Variants in MTERF2 observed in about 807,000 individuals in gnomAD.
The protein encoded by MTERF2 is transcription termination factor 2, mitochondrial.
In MTERF2, 23 loss-of-function variants were observed where a neutral mutation model predicts 29.2. The observed-to-expected ratio is 0.79, with a 90% CI of 0.57 to 1.12. MTERF2 has a LOEUF of 1.12. MTERF2 is among the 50% of genes most tolerant of loss of function. MTERF2 has a pLI of 0.00. For missense variants in MTERF2, 440 were observed against 429.4 expected (o/e 1.02, Z -0.22); for synonymous variants, 157 against 159.5 (o/e 0.98, Z 0.12).
chr12:106,984,615 C>G (rs1952089637), intron 2 of MTERF2, among the ~76,000 whole-genome samples: 1 of 152,116 alleles, frequency 6.6e-6, no homozygotes, highest in Non-Finnish European at 1.5e-5. Flanking sequence ...GTGGGAGGAA[C>G]CCAGTGGGAG....
intron 2 of MTERF2, among the ~76,000 whole-genome samples, chr12:106,982,986 G>A (rs1177716920): frequency 6.6e-6 from 1 of 151,966 alleles, no homozygotes; most frequent in Non-Finnish European, 1.5e-5. Context: ...ATTTCCTTTT[G>A]TGAATCAACC....
chr12:106,977,436 A>G lies in MTERF2; in HGVS notation c.*121T>C. 1.3e-6 allele frequency: 1 copy of G among 747,418 alleles called. No homozygotes were observed. The highest frequency in any genetic ancestry group is 2.7e-5 in the East Asian group (1 of 37,714). The allele number at this position is 747,418 out of a possible 1,614,324, so 46.3% of individuals were successfully genotyped here. Reference sequence around the variant, plus strand: ...ATTTATCTATTTAGAGATAACTTAAATACAACACAGAAGCTAAGCAGGTTC... The same window carrying G: ...ATTTATCTATTTAGAGATAACTTAAGTACAACACAGAAGCTAAGCAGGTTC... On this transcript the variant is annotated 3_prime_UTR_variant, in exon 3 of 3. Coordinates refer to ENST00000240050, the MANE Select transcript of MTERF2 (RefSeq NM_001033050.3).
In MTERF2 at chr12:106,977,968, G is replaced by C. The variant is rs137997995; in HGVS notation, c.747C>G (p.Ser249=). The change falls in exon 3 of 3, where the codon TCC becomes TCG. Residue 249 remains serine (S), a synonymous_variant. Coordinates refer to ENST00000240050, the MANE Select transcript of MTERF2 (RefSeq NM_001033050.3). ...GTTGAAAAAGAAATCCTTTGAGTTT[G>C]GATAGAAGCTGGAGAATTTCAAAGC... ...FTSFEILQLL[S]KLKGFLFQLC... is the part of the protein sequence containing the mutation. The C allele has an allele frequency of 2.5e-6, 4 of 1,614,032 alleles. 1 individual carries two copies. The highest frequency in any genetic ancestry group is 3.4e-6 in the Non-Finnish European group (4 of 1,180,020).
At chr12:106,982,755 G>T (rs1952067415) in intron 2 of MTERF2, among the ~76,000 whole-genome samples, 1 of 152,160 alleles carries the variant, frequency 6.6e-6, no homozygotes, top group Non-Finnish European at 1.5e-5. Flanking sequence ...CCTAGAAATA[G>T]ATTTCCTGAC....
Position 106,977,540 on chromosome 12 carries a change from C to G in MTERF2, c.*17G>C. On this transcript the variant is annotated 3_prime_UTR_variant, in exon 3 of 3. Transcript: ENST00000240050. ...TTCACCCTGCACTGCTAGAAAGAAG[C>G]AACAACAGTCAGTATGTCATTCTTC... 6.3e-7 allele frequency: 1 copy of G among 1,584,592 alleles called. No homozygotes were observed. The highest frequency in any genetic ancestry group is 8.6e-7 in the Non-Finnish European group (1 of 1,168,048).
intron 2 of MTERF2, among the ~76,000 whole-genome samples, chr12:106,983,744 G>A (rs926168361): frequency 2.6e-5 from 4 of 152,028 alleles, no homozygotes; most frequent in Admixed American, 2.6e-4. Context: ...GACTTATGAT[G>A]CCTCCTTTAT....
rs1419687971 is a variant in MTERF2 at position 106,977,438 on chromosome 12, A to G, written c.*119T>C. 3 of 759,808 alleles carry G rather than the reference A, an allele frequency of 3.9e-6. No individual in the cohort carries two copies. Among genetic ancestry groups the G allele is most frequent in the East Asian group, 2.6e-5 (1 of 38,010 alleles). 47.1% of individuals were successfully genotyped at this position (759,808 alleles called of 1,614,324 possible). The stretch of plus-strand genomic sequence containing the variant: ...TTATCTATTTAGAGATAACTTAAAT[A>G]CAACACAGAAGCTAAGCAGGTTCTT... On this transcript the variant is annotated 3_prime_UTR_variant, in exon 3 of 3. Coordinates refer to ENST00000240050, the MANE Select transcript of MTERF2 (RefSeq NM_001033050.3).
intron 2 of MTERF2, among the ~76,000 whole-genome samples, chr12:106,983,156 A>T (rs1952070463): frequency 6.6e-6 from 1 of 152,090 alleles, no homozygotes; most frequent in African/African-American, 2.4e-5. Context: ...CCCCTTTTTT[A>T]ATTGTAGTAA....
chr12:106,981,885 A>C (rs1052533164), intron 2 of MTERF2, among the ~76,000 whole-genome samples: 6 of 152,208 alleles, frequency 3.9e-5, no homozygotes, highest in African/African-American at 1.4e-4. Context: ...ATGCACATTC[A>C]ATGTGGAAAA....
chr12:106,984,210 T>A lies in MTERF2; in HGVS notation c.-58+905A>T, dbSNP rs1952084583. ...GTTTGCTCCTTCAGGTGTATCCTCC[T>A]CTGATGCTCCAGCCATCACTCCACT... On this transcript the variant is annotated intron_variant, in intron 2 of 2. Coordinates refer to ENST00000240050, the MANE Select transcript of MTERF2 (RefSeq NM_001033050.3). Among the ~76,000 whole-genome samples, 3 of 152,192 alleles carry A rather than the reference T, an allele frequency of 2.0e-5. No individual in the cohort carries two copies. The South Asian group carries it at 6.2e-4, about 31-fold the overall frequency.
intron 2 of MTERF2, among the ~76,000 whole-genome samples, chr12:106,979,146 C>T (rs1470080192): frequency 6.6e-6 from 1 of 152,148 alleles, no homozygotes; most frequent in African/African-American, 2.4e-5. Flanking sequence ...CCAAAGAGTT[C>T]AAAGGTTCAC....
intron 1 of MTERF2, chr12:106,986,096 G>T (rs1364481324): frequency 6.6e-6 from 1 of 152,228 alleles, no homozygotes; most frequent in Non-Finnish European, 1.5e-5. Context: ...ACCCAGCAAA[G>T]AACTTGTTCC....
intron 1 of MTERF2, 102 bp downstream of exon 1, chr12:106,986,867 C>G (rs910089046): frequency 2.0e-5 from 3 of 152,394 alleles, no homozygotes; most frequent in South Asian, 2.1e-4. Context: ...ACCCGGCAGG[C>G]TGAGCTGAGC....
At chr12:106,986,452 C>G (rs1593484034) in intron 1 of MTERF2, 1 of 151,528 alleles carries the variant, frequency 6.6e-6, no homozygotes, top group South Asian at 2.1e-4. Flanking sequence ...CCCAAGGTTA[C>G]TCAGCTAAAA....
At chr12:106,979,285 G>A (rs1283553616) in intron 2 of MTERF2, among the ~76,000 whole-genome samples, 1 of 152,096 alleles carries the variant, frequency 6.6e-6, no homozygotes, top group Non-Finnish European at 1.5e-5. Context: ...TTAAGTTGAT[G>A]TTTACCTGAA....
At chr12:106,980,437 T>A (rs1337645547) in intron 2 of MTERF2, among the ~76,000 whole-genome samples, 1 of 152,210 alleles carries the variant, frequency 6.6e-6, no homozygotes, top group Non-Finnish European at 1.5e-5. Flanking sequence ...CCTTTTGGTA[T>A]AGGGAGGGTG....
At chr12:106,981,917 T>A (rs1290662430) in intron 2 of MTERF2, among the ~76,000 whole-genome samples, 1 of 152,180 alleles carries the variant, frequency 6.6e-6, no homozygotes, top group Non-Finnish European at 1.5e-5. Flanking sequence ...CTGGAAAGTA[T>A]AAGGAAATGG....
intron 2 of MTERF2, among the ~76,000 whole-genome samples, chr12:106,983,290 C>T (rs1268888057): frequency 6.6e-6 from 1 of 152,158 alleles, no homozygotes; most frequent in African/African-American, 2.4e-5. Flanking sequence ...TGTCTCTGTG[C>T]CCATTAAACA....
chr12:106,977,800 T>G lies in MTERF2; in HGVS notation c.915A>C (p.Gly305=). The G allele has an allele frequency of 6.2e-7, 1 of 1,614,008 alleles. No individual in the cohort carries two copies. The highest frequency in any genetic ancestry group is 1.1e-5 in the South Asian group (1 of 91,080). The part of the protein sequence containing the change: ...SVPVLEERMQ[G]LLREGISIAQ... ...CTATGGAAATTCCTTCTCTCAATAA[T>G]CCTTGCATTCTCTCTTCTAAAACTG... The change falls in exon 3 of 3, where the codon GGA becomes GGC. Residue 305 remains glycine, a synonymous_variant. Coordinates refer to ENST00000240050, the MANE Select transcript of MTERF2 (RefSeq NM_001033050.3).
Sources: allele counts gnomAD v4.1 joint callset (sites outside exome capture counted in the v4.1 genomes callset), GRCh38; gene constraint gnomAD v4.1.1; transcripts MANE v1.5; gene names NCBI Gene and HGNC (gene_info 2026-07-23, HGNC 2026-07-21).